KCNQ2: variants seen among roughly 807,000 people sequenced by gnomAD.
The protein encoded by KCNQ2 is potassium voltage-gated channel subfamily KQT member 2.
Under a neutral mutation model 84.8 loss-of-function variants are expected in KCNQ2, and 14 were observed. That is an observed-to-expected ratio of 0.17 (90% CI 0.11 to 0.26). The LOEUF (loss-of-function observed/expected upper bound fraction) is 0.26, where lower values mean the gene tolerates loss of function less well. Ranked by LOEUF, KCNQ2 falls within the 10% of genes least tolerant of loss-of-function variation. The pLI is 1.00. For missense variants in KCNQ2, 788 were observed against 1,254.0 expected, an observed-to-expected ratio of 0.63 and a Z score of 5.61; for synonymous variants, 599 against 554.1, an observed-to-expected ratio of 1.08 and a Z score of -1.14.
intron 1 of KCNQ2, among the ~76,000 whole-genome samples, chr20:63,455,272 T>C (rs1210160029): frequency 2.0e-5 from 3 of 152,156 alleles, no homozygotes; most frequent in Non-Finnish European, 4.4e-5. Context: ...TGGCAGCCGT[T>C]GCCAAGGAGA....
chr20:63,408,320 T>A lies in KCNQ2; in HGVS notation c.1887+93A>T. ...AACCCTAGACTTGAGGAGCCCTCCG[T>A]GGCACCCAGCCCCTGAAGCCCACAC... On this transcript the variant is annotated intron_variant, in intron 16 of 16. Transcript: ENST00000359125. This position sits in a 1 kb window ranked among gnomAD's most constrained non-coding sequence, Gnocchi z 5.0. 1 of 1,515,982 alleles carries A rather than the reference T, an allele frequency of 6.6e-7. No individual in the cohort carries two copies. The highest frequency in any genetic ancestry group is 9.0e-7 in the Non-Finnish European group (1 of 1,112,430). The allele number at this position is 1,515,982 out of a possible 1,614,324, so 93.9% of individuals were successfully genotyped here. A position where few individuals can be genotyped will look rare whatever the true frequency, so the allele number is the denominator to read the frequency against.
chr20:63,429,305 C>T (rs1348729977), intron 9 of KCNQ2, among the ~76,000 whole-genome samples: 1 of 151,836 alleles, frequency 6.6e-6, no homozygotes, highest in Non-Finnish European at 1.5e-5. Context: ...ACCCCCTCCA[C>T]TCCGCCTCCT....
rs1328329158 is a variant in KCNQ2 at position 63,472,500 on chromosome 20, C to T, written c.-37G>A. 1 of 1,418,684 alleles carries T rather than the reference C, an allele frequency of 7.0e-7. No individual in the cohort carries two copies. Among genetic ancestry groups the T allele is most frequent in the Admixed American group, 2.8e-5 (1 of 35,552 alleles). 87.9% of individuals were successfully genotyped at this position (1,418,684 alleles called of 1,614,324 possible). A position where few individuals can be genotyped will look rare whatever the true frequency, so the allele number is the denominator to read the frequency against. On this transcript the variant is annotated 5_prime_UTR_variant, in exon 1 of 17. Transcript: ENST00000359125. ...GGAGGCGCCCCGGGTCGGGCTCAGG[C>T]TCAGCGGGGGCGGAGCGCGGGGGGC... is the stretch of plus-strand genomic sequence containing the variant.
chr20:63,409,790 A>ATGG (rs1452773376), intron 15 of KCNQ2, among the ~76,000 whole-genome samples: 5 of 139,660 alleles, frequency 3.6e-5, no homozygotes, highest in South Asian at 4.8e-4. Flanking sequence ...CCTGCCTCTG[A>ATGG]TGGGGGCGGG....
intron 11 of KCNQ2, 98 bp downstream of exon 11, chr20:63,424,079 G>C: frequency 7.5e-7 from 1 of 1,332,736 alleles, no homozygotes; most frequent in Non-Finnish European, 1.1e-6. Context: ...CACACACAAG[G>C]CCCTCACATC....
chr20:63,436,868 C>G (rs943687424), intron 7 of KCNQ2, among the ~76,000 whole-genome samples: 5 of 150,946 alleles, frequency 3.3e-5, no homozygotes, highest in Non-Finnish European at 5.9e-5. Context: ...CCTCCGTCTC[C>G]CGGGTTCAAG....
rs558199003 is a variant in KCNQ2, at chr20:63,460,475, C to G, written c.296+11693G>C. On this transcript the variant is annotated intron_variant, in intron 1 of 16. Coordinates refer to ENST00000359125, the MANE Select transcript of KCNQ2 (RefSeq NM_172107.4). This position sits in a 1 kb window ranked among gnomAD's most constrained non-coding sequence, Gnocchi z 5.4. ...CCCCCACAGCCCCCTGAGACAGCCA[C>G]GCCTAACCCCCTCCCAAGCAGGCCA... is the stretch of plus-strand genomic sequence containing the variant. 6.6e-6 allele frequency among the ~76,000 whole-genome samples: 1 copy of G among 151,874 alleles called. No homozygotes were observed. The highest frequency in any genetic ancestry group is 1.5e-5 in the Non-Finnish European group (1 of 67,904).
rs150288335 is a variant in KCNQ2, at chr20:63,436,756, T to C, written c.1023+1869A>G. The stretch of plus-strand genomic sequence containing the variant: ...ATGCTACTGCACACTTAGTAAGCTA[T>C]GGCATGGTATAAACATAACTTTTTT... On this transcript the variant is annotated intron_variant, in intron 7 of 16. Transcript: ENST00000359125. 8.9e-3 allele frequency among the ~76,000 whole-genome samples: 1,337 copies of C among 151,016 alleles called. 15 individuals are homozygous for C. The highest frequency in any genetic ancestry group is 0.022 in the South Asian group (104 of 4,772).
In KCNQ2 at chr20:63,413,585, C is replaced by A. The variant is rs750925697; in HGVS notation, c.1632-4G>T. ...GGACACCAGGAACCGCATGACACTG[C>A]AGGGGGGTGGGTGGGGCTGTGAGCC... is the stretch of plus-strand genomic sequence containing the variant. On this transcript the variant is annotated splice_region_variant and splice_polypyrimidine_tract_variant and intron_variant, in intron 14 of 16. Coordinates refer to ENST00000359125, the MANE Select transcript of KCNQ2 (RefSeq NM_172107.4). The A allele has an allele frequency of 6.2e-7, 1 of 1,609,678 alleles. No homozygotes were observed. The highest frequency in any genetic ancestry group is 1.3e-5 in the African/African-American group (1 of 74,934).
rs1223016521 is a variant in KCNQ2, at chr20:63,410,927, G to A, written c.1764-2391C>T. On this transcript the variant is annotated intron_variant, in intron 15 of 16. Coordinates refer to ENST00000359125, the MANE Select transcript of KCNQ2 (RefSeq NM_172107.4). ...GGCTCTACCCTCCCTCAGCCAATCAGACTTGCCAGAAGACAGGGAACCACC... is the reference window on the plus strand; with the variant it reads ...GGCTCTACCCTCCCTCAGCCAATCAAACTTGCCAGAAGACAGGGAACCACC... The A allele has an allele frequency of 4.5e-5, 20 of 441,234 alleles. No homozygotes were observed. In the Admixed American group the frequency reaches 4.7e-4, roughly 10 times the overall value. The allele number at this position is 441,234 out of a possible 1,614,324, so 27.3% of individuals were successfully genotyped here. A position where few individuals can be genotyped will look rare whatever the true frequency, so the allele number is the denominator to read the frequency against.
At chr20:63,430,376 C>T (rs1011859146) in intron 9 of KCNQ2, among the ~76,000 whole-genome samples, 9 of 152,064 alleles carry the variant, frequency 5.9e-5, no homozygotes, top group African/African-American at 2.2e-4. Context: ...AGCCCTGGAC[C>T]CACCACTGCC....
At chr20:63,424,449 C>T in intron 10 of KCNQ2, 1 of 580,630 alleles carries the variant, frequency 1.7e-6, no homozygotes, top group South Asian at 2.2e-5. Flanking sequence ...GGGCGGGGGC[C>T]TCTGCTCTTC....
chr20:63,461,656 C>T (rs1014389762), intron 1 of KCNQ2, among the ~76,000 whole-genome samples: 2 of 151,558 alleles, frequency 1.3e-5, no homozygotes, highest in Non-Finnish European at 3.0e-5. Flanking sequence ...CTACCCCAGG[C>T]AGCAGGGAGG....
At position 63,446,655 on chromosome 20, in the gene KCNQ2, G is replaced by C; in HGVS notation, c.387+92C>G. On this transcript the variant is annotated intron_variant, in intron 2 of 16. Transcript: ENST00000359125. This position sits in a 1 kb window ranked among gnomAD's most constrained non-coding sequence, Gnocchi z 5.5. ...CAGAGCTGGGGCTGGGGGCGTCAGAGGCCCTGTAGTAACAGGAACGGAAGA... is the reference window on the plus strand; with the variant it reads ...CAGAGCTGGGGCTGGGGGCGTCAGACGCCCTGTAGTAACAGGAACGGAAGA... The C allele has an allele frequency of 9.4e-7, 1 of 1,068,048 alleles. No individual in the cohort carries two copies. Among genetic ancestry groups the C allele is most frequent in the Non-Finnish European group, 1.5e-6 (1 of 688,896 alleles). 66.2% of individuals were successfully genotyped at this position (1,068,048 alleles called of 1,614,324 possible).
chr20:63,411,844 G>T (rs2080129449), intron 15 of KCNQ2: 4 of 705,612 alleles, frequency 5.7e-6, no homozygotes, highest in Non-Finnish European at 1.1e-5. Flanking sequence ...CTTGTGCCGG[G>T]GAGTTGAAGG....
intron 1 of KCNQ2, among the ~76,000 whole-genome samples, chr20:63,466,121 G>A (rs979921421): frequency 3.3e-5 from 5 of 152,168 alleles, no homozygotes; most frequent in East Asian, 1.9e-4. Flanking sequence ...GGAACACGCC[G>A]GAAGCCACGA....
At chr20:63,452,831 C>CGT (rs2081653911) in intron 1 of KCNQ2, among the ~76,000 whole-genome samples, 1 of 152,040 alleles carries the variant, frequency 6.6e-6, no homozygotes, top group Non-Finnish European at 1.5e-5. Flanking sequence ...GGACCCTCCT[C>CGT]GTGGGAACTG....
In KCNQ2 at chr20:63,412,450, C is replaced by T. The variant is rs8116428; in HGVS notation, c.1763+1000G>A. Among the ~76,000 whole-genome samples the T allele has an allele frequency of 3.0e-3, 463 of 152,336 alleles. 1 individual carries two copies. The highest frequency in any genetic ancestry group is 0.01 in the African/African-American group (424 of 41,572). On this transcript the variant is annotated intron_variant, in intron 15 of 16. Transcript: ENST00000359125. ...GGGTTGGCCGCTGCTCCAGAGAGGA[C>T]GCTGGGAAAGAGGCCTCACAGCTGG...
chr20:63,431,619 T>G (rs2080789489), intron 8 of KCNQ2, among the ~76,000 whole-genome samples: 1 of 150,928 alleles, frequency 6.6e-6, no homozygotes, highest in Non-Finnish European at 1.5e-5. Context: ...TTCCAGGAGG[T>G]GCAGGGGGGA....
Sources: allele counts gnomAD v4.1 joint callset (sites outside exome capture counted in the v4.1 genomes callset), GRCh38; gene constraint gnomAD v4.1.1; non-coding constraint Gnocchi (gnomAD v3.1); transcripts MANE v1.5; gene names NCBI Gene and HGNC (gene_info 2026-07-23, HGNC 2026-07-21).